Variants in RAPGEF1 observed in about 807,000 individuals in gnomAD.
The protein encoded by RAPGEF1 is CRK SH3-binding GNRP.
A neutral mutation model predicts 143.3 loss-of-function variants in RAPGEF1; 33 were observed. That is an observed-to-expected ratio of 0.23 (90% CI 0.17 to 0.31). The LOEUF (loss-of-function observed/expected upper bound fraction) is 0.31, where lower values mean the gene tolerates loss of function less well. RAPGEF1 is among the 10% of genes least tolerant of loss of function. The pLI, the probability that RAPGEF1 is intolerant of heterozygous loss-of-function variation, is 1.00. For synonymous variants in RAPGEF1, 629 were observed against 676.5 expected, an observed-to-expected ratio of 0.93 and a Z score of 1.09; for missense variants, 1,199 against 1,645.4, an observed-to-expected ratio of 0.73 and a Z score of 4.69.
intron 1 of RAPGEF1, among the ~76,000 whole-genome samples, chr9:131,656,731 C>CA (rs1347648716): frequency 1.3e-5 from 2 of 152,118 alleles, no homozygotes; most frequent in African/African-American, 4.8e-5. Context: ...GGTCGATCAC[C>CA]AAAAAACCCT....
At chr9:131,651,449 GA>G (rs1158199216) in intron 1 of RAPGEF1, among the ~76,000 whole-genome samples, 1 of 152,202 alleles carries the variant, frequency 6.6e-6, no homozygotes, top group Non-Finnish European at 1.5e-5. Flanking sequence ...GTGAAAGACT[GA>G]AAGACTTGCC....
intron 9 of RAPGEF1, among the ~76,000 whole-genome samples, chr9:131,627,485 CG>C (rs1318106953): frequency 3.3e-5 from 5 of 152,150 alleles, no homozygotes; most frequent in Admixed American, 6.5e-5. Context: ...CCAGCAGACT[CG>C]GAGGGGCCCG....
intron 12 of RAPGEF1, among the ~76,000 whole-genome samples, chr9:131,614,573 T>C (rs1302676000): frequency 7.9e-5 from 12 of 152,146 alleles, no homozygotes; most frequent in African/African-American, 2.9e-4. Context: ...GGCAGATGAA[T>C]GGGCAGAGTG....
chr9:131,694,955 C>G (rs539169429), intron 1 of RAPGEF1, among the ~76,000 whole-genome samples: 83 of 136,070 alleles, frequency 6.1e-4, no homozygotes, highest in African/African-American at 2.0e-3. Flanking sequence ...CCCCTCCCCC[C>G]ACCCACAACA....
At chr9:131,598,389 G>A in intron 15 of RAPGEF1, 79 bp from the exon 16 acceptor site, 1 of 1,282,500 alleles carries the variant, frequency 7.8e-7, no homozygotes, top group Non-Finnish European at 1.1e-6. Flanking sequence ...CAGTGCCGGT[G>A]TGCACGGCTC....
chr9:131,604,913 T>C lies in RAPGEF1; in HGVS notation c.2319+18A>G, dbSNP rs563640656. On this transcript the variant is annotated intron_variant, in intron 13 of 26. Transcript: ENST00000683357. Reference sequence around the variant, plus strand: ...GTGTGTGTGTGTGTGTGTGTGTGTGTGCACGCTGAGTTCTCACCGAGTCAG... The same window carrying C: ...GTGTGTGTGTGTGTGTGTGTGTGTGCGCACGCTGAGTTCTCACCGAGTCAG... The C allele has an allele frequency of 6.3e-3, 8,126 of 1,287,352 alleles. 34 individuals are homozygous for C. The highest frequency in any genetic ancestry group is 7.5e-3 in the Non-Finnish European group (7,342 of 978,298). 79.7% of individuals were successfully genotyped at this position (1,287,352 alleles called of 1,614,324 possible). A position where few individuals can be genotyped will look rare whatever the true frequency, so the allele number is the denominator to read the frequency against.
chr9:131,701,244 C>T (rs983570555), intron 1 of RAPGEF1, among the ~76,000 whole-genome samples: 3 of 152,126 alleles, frequency 2.0e-5, no homozygotes, highest in Admixed American at 1.3e-4. Context: ...AAAGCATATC[C>T]GAAAACCAAT....
intron 20 of RAPGEF1, 120 bp downstream of exon 20, chr9:131,588,681 C>T (rs893948226): frequency 1.9e-6 from 2 of 1,063,308 alleles, no homozygotes; most frequent in African/African-American, 3.2e-5. Context: ...TCCTGAGGCA[C>T]CTCATCAAAG....
At chr9:131,687,529 T>C (rs899014780) in intron 1 of RAPGEF1, among the ~76,000 whole-genome samples, 1 of 152,150 alleles carries the variant, frequency 6.6e-6, no homozygotes, top group Non-Finnish European at 1.5e-5. Flanking sequence ...TCCCCAAAAG[T>C]CTGTTCTCAA....
chr9:131,709,139 GAGTTCAAGAC>G (rs1835318317), intron 1 of RAPGEF1, among the ~76,000 whole-genome samples: 1 of 152,166 alleles, frequency 6.6e-6, no homozygotes, highest in African/African-American at 2.4e-5. Flanking sequence ...ATGAGGTCAG[GAGTTCAAGAC>G]CAGCCTGGCC....
intron 1 of RAPGEF1, among the ~76,000 whole-genome samples, chr9:131,707,299 G>A (rs1468271281): frequency 6.6e-6 from 1 of 152,170 alleles, no homozygotes; most frequent in African/African-American, 2.4e-5. Flanking sequence ...TTATTTTAAT[G>A]TGTAAAAATA....
At chr9:131,737,085 C>T (rs1837467295) in intron 1 of RAPGEF1, among the ~76,000 whole-genome samples, 1 of 152,216 alleles carries the variant, frequency 6.6e-6, no homozygotes, top group African/African-American at 2.4e-5. Flanking sequence ...TAATCTTTCA[C>T]TATGATTCCT....
intron 1 of RAPGEF1, among the ~76,000 whole-genome samples, chr9:131,713,584 A>G (rs1478517434): frequency 6.6e-6 from 1 of 152,098 alleles, no homozygotes; most frequent in Non-Finnish European, 1.5e-5. Flanking sequence ...ACCTTTCCAC[A>G]CCTTGTATTT....
chr9:131,715,745 TC>T (rs1299006314), intron 1 of RAPGEF1, among the ~76,000 whole-genome samples: 3 of 150,592 alleles, frequency 2.0e-5, no homozygotes, highest in African/African-American at 7.3e-5. Flanking sequence ...GCACCTGTAC[TC>T]CCAAGCTACT....
At chr9:131,696,394 A>C (rs1834183668) in intron 1 of RAPGEF1, among the ~76,000 whole-genome samples, 1 of 152,234 alleles carries the variant, frequency 6.6e-6, no homozygotes. Context: ...AGGAAAATAA[A>C]GCAGCATATG....
rs1482808645 is a variant in RAPGEF1, at chr9:131,628,122, C to T, written c.1018-26G>A. On this transcript the variant is annotated intron_variant, in intron 8 of 26. Coordinates refer to ENST00000683357, the MANE Select transcript of RAPGEF1 (RefSeq NM_001377935.1). The surrounding 1 kb of genome is among the most constrained non-coding windows in gnomAD (Gnocchi z 5.7). ...CTCAAGTGGAAAAAGAAAAACAAAG[C>T]CAAATCACTTCTGAGAAACGGTGGC... 2 of 1,501,804 alleles carry T rather than the reference C, an allele frequency of 1.3e-6. No homozygotes were observed. Among genetic ancestry groups the T allele is most frequent in the Non-Finnish European group, 8.9e-7 (1 of 1,121,474 alleles). The allele number at this position is 1,501,804 out of a possible 1,614,324, so 93.0% of individuals were successfully genotyped here. A position where few individuals can be genotyped will look rare whatever the true frequency, so the allele number is the denominator to read the frequency against.
chr9:131,583,412 C>T lies in RAPGEF1; in HGVS notation c.3415-710G>A, dbSNP rs147251015. Among the ~76,000 whole-genome samples, 124 of 151,940 alleles carry T rather than the reference C, an allele frequency of 8.2e-4. No homozygotes were observed. Among genetic ancestry groups the T allele is most frequent in the African/African-American group, 2.5e-3 (103 of 41,410 alleles). ...GACCCTGGGTGGCCTGGCTGACACCCGGGTCTCTGACATGACCCCTGGGTG... is the reference window on the plus strand; with the variant it reads ...GACCCTGGGTGGCCTGGCTGACACCTGGGTCTCTGACATGACCCCTGGGTG... On this transcript the variant is annotated intron_variant, in intron 24 of 26. Coordinates refer to ENST00000683357, the MANE Select transcript of RAPGEF1 (RefSeq NM_001377935.1). The surrounding 1 kb of genome is among the most constrained non-coding windows in gnomAD (Gnocchi z 4.7).
chr9:131,641,842 C>T lies in RAPGEF1; in HGVS notation c.494+1397G>A, dbSNP rs932853628. 2.6e-5 allele frequency among the ~76,000 whole-genome samples: 4 copies of T among 152,304 alleles called. No homozygotes were observed. Among genetic ancestry groups the T allele is most frequent in the South Asian group, 4.1e-4 (2 of 4,828 alleles). ...TCTGGCCAAAAGACCACAGTCTCCA[C>T]GCGTCAGCTGAAACTCCAGGGAGGA... On this transcript the variant is annotated intron_variant, in intron 4 of 26. Coordinates refer to ENST00000683357, the MANE Select transcript of RAPGEF1 (RefSeq NM_001377935.1). The surrounding 1 kb of genome is among the most constrained non-coding windows in gnomAD (Gnocchi z 4.6).
chr9:131,621,089 T>C lies in RAPGEF1; in HGVS notation c.1905+707A>G, dbSNP rs1213270585. Reference sequence around the variant, plus strand: ...TTAACTGGCAGCAAAGGGAGAAAGTTTGGAGGGATGCCACAGGTACCCCCG... The same window carrying C: ...TTAACTGGCAGCAAAGGGAGAAAGTCTGGAGGGATGCCACAGGTACCCCCG... On this transcript the variant is annotated intron_variant, in intron 11 of 26. Transcript: ENST00000683357. The surrounding 1 kb of genome is among the most constrained non-coding windows in gnomAD (Gnocchi z 4.5). 1.3e-5 allele frequency among the ~76,000 whole-genome samples: 2 copies of C among 152,110 alleles called. No individual in the cohort carries two copies. Among genetic ancestry groups the C allele is most frequent in the African/African-American group, 4.8e-5 (2 of 41,396 alleles).
Sources: gnomAD v4.1 joint callset for allele counts (sites outside exome capture counted in the v4.1 genomes callset) on GRCh38, gnomAD v4.1.1 for gene constraint, Gnocchi (gnomAD v3.1) non-coding constraint, MANE v1.5 for transcripts, NCBI Gene and HGNC (gene_info 2026-07-23, HGNC 2026-07-21) for gene names.